The following ZNF479 variants were observed in gnomAD, a reference collection of about 807,000 sequenced individuals.
ZNF479 encodes KRAB zinc finger protein KR19.
ZNF479 carries 15 observed loss-of-function variants against 14.7 expected under a neutral mutation model. The observed-to-expected ratio is 1.02, with a 90% CI of 0.68 to 1.57. The LOEUF is 1.57. Among genes scored for constraint, ZNF479 ranks in the 40% most tolerant of loss-of-function variants. The pLI is 0.00. For synonymous variants in ZNF479, 145 were observed against 211.5 expected (o/e 0.69, Z 2.73); for missense variants, 506 against 615.1 (o/e 0.82, Z 1.88).
Position 57,119,773 on chromosome 7 carries a change from T to A in ZNF479, c.*67A>T. The A allele has an allele frequency of 5.4e-6, 7 of 1,288,088 alleles. No homozygotes were observed. The highest frequency in any genetic ancestry group is 7.6e-6 in the Non-Finnish European group (7 of 926,142). 79.8% of individuals were successfully genotyped at this position (1,288,088 alleles called of 1,614,324 possible). A position where few individuals can be genotyped will look rare whatever the true frequency, so the allele number is the denominator to read the frequency against. On this transcript the variant is annotated 3_prime_UTR_variant, in exon 4 of 4. Coordinates refer to ENST00000319636, the MANE Select transcript of ZNF479 (RefSeq NM_001370129.2). ...AAAGGCTTGGCCACATTCTCTACAT[T>A]TGTAGTGTTTTTTTCCAGTGTAAAT...
At chr7:57,133,585 A>G (rs1162364461), upstream of ZNF479, among the ~76,000 whole-genome samples, 1 of 152,114 alleles carries the variant, frequency 6.6e-6, no homozygotes, top group East Asian at 1.9e-4. Context: ...AAAAAGGTGG[A>G]GCTGGGCGCA....
At chr7:57,126,141 T>G in intron 2 of ZNF479, 28 bp from the exon 3 acceptor site, 1 of 1,569,360 alleles carries the variant, frequency 6.4e-7, no homozygotes, top group East Asian at 2.2e-5. Context: ...AAAAGTAACA[T>G]AGATCATGCT....
chr7:57,133,604 C>T (rs1488569487), upstream of ZNF479, among the ~76,000 whole-genome samples: 5 of 152,126 alleles, frequency 3.3e-5, no homozygotes, highest in Non-Finnish European at 5.9e-5. Flanking sequence ...CAGTGGCTCA[C>T]GCCTGTAATC....
At chr7:57,125,464 C>A (rs1786117845) in intron 3 of ZNF479, among the ~76,000 whole-genome samples, 1 of 150,926 alleles carries the variant, frequency 6.6e-6, no homozygotes, top group Admixed American at 6.6e-5. Flanking sequence ...CTTGCATATC[C>A]CCCCACAGCA....
In ZNF479 at chr7:57,138,814, G is replaced by C. The variant is rs191196564; in HGVS notation, c.-15+794C>G. On this transcript the variant is annotated intron_variant, in intron 1 of 4. Coordinates refer to the ZNF479 transcript ENST00000331162. ...GTTAAAATTGTCACCTTTATATAGG[G>C]AGAGAGCAAAATAGTTCCTGAATCT... Among the ~76,000 whole-genome samples, 159 of 152,264 alleles carry C rather than the reference G, an allele frequency of 1.0e-3. 1 individual carries two copies. Among genetic ancestry groups the C allele is most frequent in the Non-Finnish European group, 1.8e-3 (124 of 68,024 alleles).
rs1253219774 is a variant in ZNF479, at chr7:57,119,086, G to C, written c.*754C>G. ...GCCACATTTTTTTCTGCAATTGCAG[G>C]GTTTCTCTCCAATATCAATTATCTT... is the stretch of plus-strand genomic sequence containing the variant. On this transcript the variant is annotated 3_prime_UTR_variant, in exon 4 of 4. Transcript: ENST00000319636. Among the ~76,000 whole-genome samples, 3 of 152,040 alleles carry C rather than the reference G, an allele frequency of 2.0e-5. No individual in the cohort carries two copies. The highest frequency in any genetic ancestry group is 4.4e-5 in the Non-Finnish European group (3 of 68,014).
chr7:57,132,423 A>C lies in ZNF479; in HGVS notation c.-99T>G. On this transcript the variant is annotated 5_prime_UTR_variant, in exon 1 of 4. Transcript: ENST00000319636. ...AGAGGAGAACTGCAGCTCTGGACGC[A>C]GAGAAACACAAAGGACCCGCAAAAT... The C allele has an allele frequency of 6.3e-7, 1 of 1,591,952 alleles. No homozygotes were observed. Among genetic ancestry groups the C allele is most frequent in the Non-Finnish European group, 8.6e-7 (1 of 1,162,212 alleles).
chr7:57,126,580 A>C lies in ZNF479; in HGVS notation c.166+12T>G. The C allele has an allele frequency of 6.2e-7, 1 of 1,609,272 alleles. No individual in the cohort carries two copies. The highest frequency in any genetic ancestry group is 8.5e-7 in the Non-Finnish European group (1 of 1,178,932). On this transcript the variant is annotated intron_variant, in intron 2 of 3. Coordinates refer to ENST00000319636, the MANE Select transcript of ZNF479 (RefSeq NM_001370129.2). ...CAATATATTAGGAATTATGTACTGA[A>C]GTTATCCTCACCCAGGGAGACCAGG...
At chr7:57,136,121 C>T (rs780600132), upstream of ZNF479, among the ~76,000 whole-genome samples, 1 of 151,972 alleles carries the variant, frequency 6.6e-6, no homozygotes, top group African/African-American at 2.4e-5. Flanking sequence ...TGGTGACTCA[C>T]GCCTGTAATC....
chr7:57,138,370 G>C (rs180829472), intron 1 of ZNF479, among the ~76,000 whole-genome samples: 1 of 152,192 alleles, frequency 6.6e-6, no homozygotes, highest in African/African-American at 2.4e-5. Context: ...GTCCAGCACC[G>C]AGGTAAAATT....
At chr7:57,127,020 T>C (rs1407940790) in intron 1 of ZNF479, among the ~76,000 whole-genome samples, 63 of 133,830 alleles carry the variant, frequency 4.7e-4, no homozygotes, top group African/African-American at 1.4e-3. Flanking sequence ...TTTTTCTTTT[T>C]TTTTTCTTTT....
At chr7:57,139,543 C>T (rs1786792492) in intron 1 of ZNF479, 3 of 152,170 alleles carry the variant, frequency 2.0e-5, no homozygotes, top group Admixed American at 2.0e-4. Context: ...ATACATTTTC[C>T]CAGCCTCTGA....
intron 3 of ZNF479, among the ~76,000 whole-genome samples, chr7:57,125,782 G>GCAA (rs1289997848): frequency 4.6e-5 from 7 of 152,154 alleles, no homozygotes; most frequent in African/African-American, 1.7e-4. Flanking sequence ...AGAAAACTTT[G>GCAA]GCTCACACTG....
chr7:57,138,605 A>G (rs1000371314), intron 1 of ZNF479, among the ~76,000 whole-genome samples: 7 of 152,216 alleles, frequency 4.6e-5, no homozygotes, highest in Admixed American at 3.3e-4. Context: ...TAGGAGAGGT[A>G]TTGACTTTCA....
intron 1 of ZNF479, among the ~76,000 whole-genome samples, chr7:57,131,372 G>A (rs575260978): frequency 6.6e-6 from 1 of 152,106 alleles, no homozygotes; most frequent in African/African-American, 2.4e-5. Flanking sequence ...AGACCTACCT[G>A]GCCAACATGG....
Position 57,120,324 on chromosome 7 carries a change from A to G in ZNF479, c.1091T>C (p.Leu364Ser), listed in dbSNP as rs782381456. The G allele has an allele frequency of 6.2e-7, 1 of 1,607,952 alleles. No individual in the cohort carries two copies. Among genetic ancestry groups the G allele is most frequent in the Non-Finnish European group, 8.5e-7 (1 of 1,176,576 alleles). The change falls in exon 4 of 4, where the codon TTA becomes TCA. Residue 364 changes from leucine to serine, a missense_variant. This residue lies in a region of ZNF479 where 420 missense variants were observed against 474.2 expected (regional missense o/e 0.89). Transcript: ENST00000319636. The part of the protein sequence containing the change: ...ACEECGQAFS[L>S]SSNLMRHRRI... ...CCTATGTCTCATAAGGTTCGAGGATAAGCTAAAGGCTTGGCCACATTCTTC... is the reference window on the plus strand; with the variant it reads ...CCTATGTCTCATAAGGTTCGAGGATGAGCTAAAGGCTTGGCCACATTCTTC...
rs1412295579 is a variant in ZNF479, at chr7:57,118,687, G to A, written c.*1153C>T. Reference sequence around the variant, plus strand: ...ACCTGACCTATAATCCCTTTATTAAGTATAAACTTTCTGATATTGAGTAAG... The same window carrying A: ...ACCTGACCTATAATCCCTTTATTAAATATAAACTTTCTGATATTGAGTAAG... On this transcript the variant is annotated 3_prime_UTR_variant, in exon 4 of 4. Coordinates refer to ENST00000319636, the MANE Select transcript of ZNF479 (RefSeq NM_001370129.2). Among the ~76,000 whole-genome samples the A allele has an allele frequency of 3.3e-5, 5 of 152,090 alleles. No individual in the cohort carries two copies. Among genetic ancestry groups the A allele is most frequent in the Non-Finnish European group, 7.4e-5 (5 of 68,016 alleles).
At position 57,126,086 on chromosome 7, in the gene ZNF479, A is replaced by T. The variant is rs2115873146; in HGVS notation, c.194T>A (p.Ile65Asn). The T allele has an allele frequency of 6.2e-7, 1 of 1,603,208 alleles. No homozygotes were observed. Among genetic ancestry groups the T allele is most frequent in the Admixed American group, 1.7e-5 (1 of 59,710 alleles). ...CTCTTTATTTTGCTCCAGACAGGTGATCAAGTCTGGCTTAGAGACAGCAAT... is the reference window on the plus strand; with the variant it reads ...CTCTTTATTTTGCTCCAGACAGGTGTTCAAGTCTGGCTTAGAGACAGCAAT... ...LGIAVSKPDL[I>N]TCLEQNKESQ... The change falls in exon 3 of 4, where the codon ATC (isoleucine) becomes AAC (asparagine). Residue 65 changes from isoleucine to asparagine, a missense_variant. Around this residue, in one of 3 missense-constraint regions of ZNF479, gnomAD observed 420 missense variants for 474.2 expected, o/e 0.89. Transcript: ENST00000319636.
rs559326851 is a variant in ZNF479, at chr7:57,137,997, G to A, written c.-15+1611C>T. On this transcript the variant is annotated intron_variant, in intron 1 of 4. Coordinates refer to the ZNF479 transcript ENST00000331162. ...GGTGTGACCGTCTTCTACCTGGAAC[G>A]TGTTTACAGGGTGGATTGTGACATA... Among the ~76,000 whole-genome samples, 38 of 152,290 alleles carry A rather than the reference G, an allele frequency of 2.5e-4. 2 individuals carry two copies. The highest frequency in any genetic ancestry group is 1.2e-3 in the South Asian group (6 of 4,822).
Sources: gnomAD v4.1 joint callset for allele counts (sites outside exome capture counted in the v4.1 genomes callset) on GRCh38, gnomAD v4.1.1 for gene constraint, gnomAD v4.1.1 regional missense constraint, MANE v1.5 for transcripts, NCBI Gene and HGNC (gene_info 2026-07-23, HGNC 2026-07-21) for gene names.